GLIS3: variants seen among roughly 807,000 people sequenced by gnomAD.
GLIS3 encodes the protein GLIS family zinc finger 3, also known as zinc finger protein GLIS3.
GLIS3 carries 53 observed loss-of-function variants against 78.6 expected under a neutral mutation model. That is an observed-to-expected ratio of 0.67 (90% CI 0.54 to 0.85). The LOEUF (loss-of-function observed/expected upper bound fraction) is 0.85, where lower values mean the gene tolerates loss of function less well. Ranked by LOEUF, GLIS3 falls within the 40% of genes least tolerant of loss-of-function variation. GLIS3 has a pLI of 0.00. For synonymous variants in GLIS3, 684 were observed against 509.9 expected (o/e 1.34, Z -4.60); for missense variants, 1,703 against 1,231.1 (o/e 1.38, Z -5.74).
At chr9:3,903,069 T>A (rs377607182) in intron 6 of GLIS3, among the ~76,000 whole-genome samples, 26 of 152,336 alleles carry the variant, frequency 1.7e-4, no homozygotes, top group East Asian at 9.6e-4. Flanking sequence ...GTTGTCATCA[T>A]AAAATATCTT....
intron 2 of GLIS3, among the ~76,000 whole-genome samples, chr9:4,281,650 T>C (rs1199748740): frequency 6.6e-6 from 1 of 152,220 alleles, no homozygotes; most frequent in Non-Finnish European, 1.5e-5. Context: ...TGCCATTGTA[T>C]GTATATACCA....
intron 4 of GLIS3, among the ~76,000 whole-genome samples, chr9:3,945,568 T>G (rs1286402381): frequency 6.6e-6 from 1 of 152,214 alleles, no homozygotes; most frequent in Non-Finnish European, 1.5e-5. Context: ...AATCTGACCC[T>G]GCTTGCTCCA....
chr9:4,292,379 A>G (rs1194596249), intron 1 of GLIS3, among the ~76,000 whole-genome samples: 3 of 152,182 alleles, frequency 2.0e-5, no homozygotes, highest in Non-Finnish European at 4.4e-5. Flanking sequence ...CTTCTGGGTA[A>G]GACAAAAAAT....
the GLIS3 span, among the ~76,000 whole-genome samples, chr9:4,439,852 T>G: frequency 6.6e-6 from 1 of 152,154 alleles, no homozygotes; most frequent in Non-Finnish European, 1.5e-5. Context: ...CTAATTTTTG[T>G]GGGGTTCTTT....
intron 2 of GLIS3, among the ~76,000 whole-genome samples, chr9:4,229,140 G>A (rs576910720): frequency 3.6e-4 from 55 of 152,286 alleles, no homozygotes; most frequent in East Asian, 9.6e-4. Context: ...TAATATCCAT[G>A]TATAAAAGAT....
the GLIS3 span, among the ~76,000 whole-genome samples, chr9:4,434,878 G>A: frequency 6.6e-6 from 1 of 152,190 alleles, no homozygotes; most frequent in African/African-American, 2.4e-5. Flanking sequence ...GCTGAGCTGG[G>A]TGCTAGAGAG....
chr9:4,326,174 C>A (rs1225414278), intron 2 of GLIS3, among the ~76,000 whole-genome samples: 1 of 152,116 alleles, frequency 6.6e-6, no homozygotes, highest in Non-Finnish European at 1.5e-5. Flanking sequence ...TGTAACAAAC[C>A]TGCACATCCT....
At chr9:4,270,489 G>A (rs1046413520) in intron 2 of GLIS3, among the ~76,000 whole-genome samples, 1 of 152,076 alleles carries the variant, frequency 6.6e-6, no homozygotes, top group Non-Finnish European at 1.5e-5. Context: ...AGGCTCAAAC[G>A]GGGAAGCATC....
chr9:3,855,833 C>T (rs918556922), intron 9 of GLIS3, 176 bp downstream of exon 9: 6 of 715,070 alleles, frequency 8.4e-6, no homozygotes, highest in African/African-American at 7.0e-5. Flanking sequence ...AGGCCAAAGT[C>T]AGGAAAATAC....
chr9:3,990,257 G>A (rs535667212), intron 4 of GLIS3, among the ~76,000 whole-genome samples: 66 of 152,296 alleles, frequency 4.3e-4, no homozygotes, highest in African/African-American at 1.5e-3. Flanking sequence ...ATAAAAGCAA[G>A]GGGAGGGAAT....
intron 2 of GLIS3, among the ~76,000 whole-genome samples, chr9:4,225,789 G>C (rs955445730): frequency 6.6e-6 from 1 of 152,170 alleles, no homozygotes; most frequent in Non-Finnish European, 1.5e-5. Context: ...GAATAAACCA[G>C]AGTCTATTCA....
the GLIS3 span, among the ~76,000 whole-genome samples, chr9:4,354,996 G>C: frequency 6.6e-6 from 1 of 151,930 alleles, no homozygotes; most frequent in Non-Finnish European, 1.5e-5. Flanking sequence ...GGTGCCTGTA[G>C]TCCCAGGTAC....
intron 2 of GLIS3, among the ~76,000 whole-genome samples, chr9:4,323,079 T>A (rs1467146282): frequency 6.6e-6 from 1 of 152,218 alleles, no homozygotes; most frequent in Non-Finnish European, 1.5e-5. Flanking sequence ...GGATCTTGAA[T>A]TAATTTTTGT....
At chr9:4,117,691 G>T in intron 4 of GLIS3, 77 bp downstream of exon 4, 2 of 1,559,602 alleles carry the variant, frequency 1.3e-6, no homozygotes, top group South Asian at 1.1e-5. Context: ...TCCATGGGCC[G>T]AGTTAGGAAA....
intron 4 of GLIS3, among the ~76,000 whole-genome samples, chr9:4,052,687 T>C (rs1825826675): frequency 1.3e-5 from 2 of 152,254 alleles, no homozygotes; most frequent in Admixed American, 1.3e-4. Flanking sequence ...AATTTCACTA[T>C]ATGGATATAC....
chr9:4,136,423 G>T (rs1365196080), intron 2 of GLIS3, among the ~76,000 whole-genome samples: 1 of 152,182 alleles, frequency 6.6e-6, no homozygotes, highest in African/African-American at 2.4e-5. Flanking sequence ...GATGTCCACA[G>T]TCCAGTAAGC....
At chr9:4,481,235 G>A in the GLIS3 span, among the ~76,000 whole-genome samples, 2 of 152,006 alleles carry the variant, frequency 1.3e-5, no homozygotes, top group Non-Finnish European at 2.9e-5. Context: ...TGTAATCCCA[G>A]TACTTTGGGA....
chr9:4,196,038 A>G (rs1372902051), intron 2 of GLIS3, among the ~76,000 whole-genome samples: 1 of 151,838 alleles, frequency 6.6e-6, no homozygotes, highest in Non-Finnish European at 1.5e-5. Context: ...GACTTGGAGA[A>G]CTTTTATGTC....
At chr9:4,225,521 G>A (rs1475585590) in intron 2 of GLIS3, among the ~76,000 whole-genome samples, 2 of 152,166 alleles carry the variant, frequency 1.3e-5, no homozygotes, top group African/African-American at 4.8e-5. Context: ...AATGTGGTCT[G>A]CTAAAGTAGT....
Sources: allele counts gnomAD v4.1 joint callset (sites outside exome capture counted in the v4.1 genomes callset), GRCh38; gene constraint gnomAD v4.1.1; transcripts MANE v1.5; gene names NCBI Gene and HGNC (gene_info 2026-07-23, HGNC 2026-07-21).